The following ZNF704 variants were observed in gnomAD, a reference collection of about 807,000 sequenced individuals.
ZNF704 encodes glucocorticoid induced gene 1.
In ZNF704, 10 loss-of-function variants were observed where a neutral mutation model predicts 44.7. The ratio of observed to expected loss-of-function variants is 0.22; its 90% CI spans 0.14 to 0.38. The LOEUF (loss-of-function observed/expected upper bound fraction) is 0.38, where lower values mean the gene tolerates loss of function less well. ZNF704 is among the 10% of genes least tolerant of loss of function. The pLI, the probability that ZNF704 is intolerant of heterozygous loss-of-function variation, is 1.00. For missense variants in ZNF704, 390 were observed against 545.5 expected (o/e 0.71, Z 2.84); for synonymous variants, 211 against 207.6 (o/e 1.02, Z -0.14).
intron 1 of ZNF704, among the ~76,000 whole-genome samples, chr8:80,858,698 AAAAC>A (rs1462632299): frequency 2.6e-5 from 4 of 152,124 alleles, no homozygotes; most frequent in Non-Finnish European, 4.4e-5. Context: ...AAAAAAACAA[AAAAC>A]AAACAAAACA....
At chr8:80,807,803 A>G (rs1218799099) in intron 2 of ZNF704, among the ~76,000 whole-genome samples, 1 of 151,814 alleles carries the variant, frequency 6.6e-6, no homozygotes, top group African/African-American at 2.4e-5. Flanking sequence ...TTAATAAGTA[A>G]TATCACAAAT....
At chr8:80,760,998 G>GATCC (rs1807121200) in intron 2 of ZNF704, among the ~76,000 whole-genome samples, 2 of 152,078 alleles carry the variant, frequency 1.3e-5, no homozygotes, top group African/African-American at 4.8e-5. Flanking sequence ...CCACCCCCAT[G>GATCC]ATCCAGTCAC....
At chr8:80,768,755 C>T (rs755273996) in intron 2 of ZNF704, among the ~76,000 whole-genome samples, 11 of 152,170 alleles carry the variant, frequency 7.2e-5, no homozygotes, top group East Asian at 1.9e-4. Context: ...TTCCCAACCC[C>T]GTGTTTAGAC....
Position 80,633,183 on chromosome 8 carries a change from C to A in ZNF704, c.*8183G>T, listed in dbSNP as rs1441062112. The A allele has an allele frequency of 6.6e-6, 1 of 152,164 alleles. No homozygotes were observed. The highest frequency in any genetic ancestry group is 6.5e-5 in the Admixed American group (1 of 15,286). 9.4% of individuals were successfully genotyped at this position (152,164 alleles called of 1,614,324 possible). A position where few individuals can be genotyped will look rare whatever the true frequency, so the allele number is the denominator to read the frequency against. On this transcript the variant is annotated 3_prime_UTR_variant, in exon 9 of 9. Transcript: ENST00000327835. Reference sequence around the variant, plus strand: ...CCAGGCGTTTCCAACTCTGAGTTTACAGTATGTTTTGATTTGATCATTACA... The same window carrying A: ...CCAGGCGTTTCCAACTCTGAGTTTAAAGTATGTTTTGATTTGATCATTACA...
chr8:80,693,097 C>G lies in ZNF704; in HGVS notation c.232G>C (p.Glu78Gln). Reference protein sequence around the residue: ...IDVPPARKSSEELDMDKVTAA... With the variant: ...IDVPPARKSSQELDMDKVTAA... Reference sequence around the variant, plus strand: ...GTCACCTTGTCCATGTCTAGTTCCTCTGAAGATTTCCTGTAAAACAGGAAG... The same window carrying G: ...GTCACCTTGTCCATGTCTAGTTCCTGTGAAGATTTCCTGTAAAACAGGAAG... The change falls in exon 3 of 9, where the codon GAG (glutamate) becomes CAG (glutamine). Residue 78 changes from glutamate (E) to glutamine (Q), a missense_variant. By Grantham distance (29) the Glu-to-Gln change is conservative. Coordinates refer to ENST00000327835, the MANE Select transcript of ZNF704 (RefSeq NM_001033723.3). 6.2e-7 allele frequency: 1 copy of G among 1,614,144 alleles called. No individual in the cohort carries two copies. Among genetic ancestry groups the G allele is most frequent in the Non-Finnish European group, 8.5e-7 (1 of 1,179,994 alleles).
intron 2 of ZNF704, among the ~76,000 whole-genome samples, chr8:80,819,036 G>A (rs1040760846): frequency 2.6e-5 from 4 of 152,026 alleles, no homozygotes; most frequent in African/African-American, 7.2e-5. Flanking sequence ...TATTTATGAT[G>A]ATTAAATTCC....
At chr8:80,797,668 T>C (rs946029337) in intron 2 of ZNF704, among the ~76,000 whole-genome samples, 4 of 152,158 alleles carry the variant, frequency 2.6e-5, no homozygotes, top group Admixed American at 1.3e-4. Context: ...TTTCCTGGAT[T>C]TGTCTGGCAA....
intron 2 of ZNF704, among the ~76,000 whole-genome samples, chr8:80,736,082 T>C (rs16908008): frequency 0.17 from 25,843 of 152,192 alleles, 4,434 homozygotes; most frequent in African/African-American, 0.44. Context: ...TGGCAAACTC[T>C]TATAGTAAAG....
chr8:80,641,999 A>C (rs1401218595), intron 8 of ZNF704, among the ~76,000 whole-genome samples: 1 of 152,242 alleles, frequency 6.6e-6, no homozygotes, highest in Non-Finnish European at 1.5e-5. Context: ...TAAACAAGTA[A>C]ACACAAGAAA....
chr8:80,761,639 T>A (rs1807133036), intron 2 of ZNF704, among the ~76,000 whole-genome samples: 1 of 152,160 alleles, frequency 6.6e-6, no homozygotes, highest in Non-Finnish European at 1.5e-5. Context: ...TTGAGAAACA[T>A]CTAAAAACAT....
intron 2 of ZNF704, among the ~76,000 whole-genome samples, chr8:80,715,538 T>C (rs1819059209): frequency 6.6e-6 from 1 of 152,184 alleles, no homozygotes; most frequent in South Asian, 2.1e-4. Context: ...CGTGGGAGCA[T>C]GAGGCCCAAG....
At chr8:80,671,241 C>A (rs1385267087) in intron 4 of ZNF704, among the ~76,000 whole-genome samples, 2 of 152,194 alleles carry the variant, frequency 1.3e-5, no homozygotes, top group East Asian at 1.9e-4. Context: ...GATCCTCCCA[C>A]GTTAGCCTCC....
intron 2 of ZNF704, among the ~76,000 whole-genome samples, chr8:80,725,402 C>T (rs1027262115): frequency 6.6e-6 from 1 of 152,156 alleles, no homozygotes; most frequent in African/African-American, 2.4e-5. Flanking sequence ...ATTCAATTTT[C>T]AGTGGGCCTC....
intron 2 of ZNF704, among the ~76,000 whole-genome samples, chr8:80,803,497 T>G (rs374129191): frequency 1.3e-5 from 2 of 152,038 alleles, no homozygotes; most frequent in South Asian, 2.1e-4. Context: ...CATAGACCAG[T>G]GGAACAGAAT....
chr8:80,709,280 T>C (rs1032517841), intron 2 of ZNF704, among the ~76,000 whole-genome samples: 11 of 151,136 alleles, frequency 7.3e-5, no homozygotes, highest in Non-Finnish European at 3.0e-5. Context: ...CCGTCTCTAT[T>C]AAAAATACAA....
chr8:80,647,274 G>A lies in ZNF704; in HGVS notation c.1033-4145C>T, dbSNP rs138912619. 3.4e-3 allele frequency among the ~76,000 whole-genome samples: 520 copies of A among 151,480 alleles called. 3 individuals are homozygous for A. The highest frequency in any genetic ancestry group is 0.011 in the African/African-American group (460 of 40,784). ...AGGAGAGGACATTTATTTATCTTGA[G>A]TGGTAAGAGAAGGCTTCCTGAGGAG... is the stretch of plus-strand genomic sequence containing the variant. On this transcript the variant is annotated intron_variant, in intron 7 of 8. Coordinates refer to ENST00000327835, the MANE Select transcript of ZNF704 (RefSeq NM_001033723.3).
chr8:80,662,692 C>T (rs1183984017), intron 6 of ZNF704, among the ~76,000 whole-genome samples: 1 of 152,188 alleles, frequency 6.6e-6, no homozygotes, highest in African/African-American at 2.4e-5. Flanking sequence ...CTTGGTACCA[C>T]TGGAAAGCAT....
At chr8:80,660,837 T>A (rs1054179882) in intron 6 of ZNF704, among the ~76,000 whole-genome samples, 9 of 152,144 alleles carry the variant, frequency 5.9e-5, no homozygotes, top group African/African-American at 2.2e-4. Context: ...ATAAAACTAC[T>A]GGAAGAAAAC....
chr8:80,684,857 A>C (rs547433650), intron 4 of ZNF704, among the ~76,000 whole-genome samples: 1 of 152,218 alleles, frequency 6.6e-6, no homozygotes, highest in Admixed American at 6.5e-5. Flanking sequence ...TAATAAATTT[A>C]AAAAAGAATA....
Sources: allele counts gnomAD v4.1 joint callset (sites outside exome capture counted in the v4.1 genomes callset), GRCh38; gene constraint gnomAD v4.1.1; transcripts MANE v1.5; gene names NCBI Gene and HGNC (gene_info 2026-07-23, HGNC 2026-07-21).